The following GABRG1 variants were observed in gnomAD, a reference collection of about 807,000 sequenced individuals.
The protein encoded by GABRG1 is gamma-aminobutyric acid receptor subunit gamma-1.
Under a neutral mutation model 49.8 loss-of-function variants are expected in GABRG1, and 49 were observed. That is an observed-to-expected ratio of 0.98 (90% CI 0.78 to 1.25). The LOEUF is 1.25. GABRG1 is among the 50% of genes most tolerant of loss of function. GABRG1 has a pLI of 0.00. For missense variants in GABRG1, 552 were observed against 552.3 expected (o/e 1.00, Z 0.01); for synonymous variants, 232 against 185.1 (o/e 1.25, Z -2.06).
At chr4:46,084,513 A>G (rs1052741324) in intron 2 of GABRG1, among the ~76,000 whole-genome samples, 2 of 151,614 alleles carry the variant, frequency 1.3e-5, no homozygotes, top group East Asian at 1.9e-4. Flanking sequence ...GCATTTTTCA[A>G]TCTGACAGAG....
chr4:46,123,058 G>T (rs1721136274), intron 1 of GABRG1, among the ~76,000 whole-genome samples: 1 of 148,634 alleles, frequency 6.7e-6, no homozygotes, highest in Admixed American at 6.7e-5. Flanking sequence ...TTTGTGATCG[G>T]TGACACTTTT....
At chr4:46,079,912 T>C (rs1307873779) in intron 3 of GABRG1, among the ~76,000 whole-genome samples, 2 of 151,894 alleles carry the variant, frequency 1.3e-5, no homozygotes, top group Non-Finnish European at 2.9e-5. Flanking sequence ...TAGTAACATG[T>C]TCTTGACTTC....
At chr4:46,064,138 A>T (rs79523067) in intron 5 of GABRG1, among the ~76,000 whole-genome samples, 2,693 of 152,206 alleles carry the variant, frequency 0.018, 91 homozygotes, top group African/African-American at 0.06. Context: ...CTGTGTAAAA[A>T]CATTTGAATA....
At chr4:46,084,986 C>T (rs555318111) in intron 2 of GABRG1, among the ~76,000 whole-genome samples, 76 of 151,436 alleles carry the variant, frequency 5.0e-4, no homozygotes, top group African/African-American at 1.6e-3. Flanking sequence ...CAATTAACAA[C>T]GAGACAATAG....
rs552007418 is a variant in GABRG1, at chr4:46,046,852, C to G, written c.1131+4572G>C. Among the ~76,000 whole-genome samples, 123 of 152,196 alleles carry G rather than the reference C, an allele frequency of 8.1e-4. 2 individuals are homozygous for G. In the South Asian group the frequency reaches 0.025, roughly 31 times the overall value. The stretch of plus-strand genomic sequence containing the variant: ...ACTATTTCTAATTATCTTCTGAAAA[C>G]ATACATAGAAATATACCATCCTGCT... On this transcript the variant is annotated intron_variant, in intron 8 of 8. Coordinates refer to ENST00000295452, the MANE Select transcript of GABRG1 (RefSeq NM_173536.4).
intron 1 of GABRG1, among the ~76,000 whole-genome samples, chr4:46,113,272 A>T (rs1163733499): frequency 6.6e-6 from 1 of 151,136 alleles, no homozygotes; most frequent in Non-Finnish European, 1.5e-5. Context: ...GCTTCAGTAA[A>T]CTTACAATCA....
At chr4:46,097,743 A>G (rs907705482) in intron 1 of GABRG1, among the ~76,000 whole-genome samples, 2 of 151,688 alleles carry the variant, frequency 1.3e-5, no homozygotes, top group African/African-American at 2.4e-5. Context: ...GTAAAGAATT[A>G]CAGGAAAAGA....
chr4:46,062,767 C>T (rs1718751223), intron 5 of GABRG1, among the ~76,000 whole-genome samples: 1 of 152,028 alleles, frequency 6.6e-6, no homozygotes, highest in South Asian at 2.1e-4. Context: ...ATCTAGAAAA[C>T]CCCATTGTCT....
At chr4:46,096,068 T>G (rs765320055) in intron 2 of GABRG1, among the ~76,000 whole-genome samples, 11 of 151,852 alleles carry the variant, frequency 7.2e-5, no homozygotes, top group Non-Finnish European at 1.5e-4. Flanking sequence ...TGGTATTTGG[T>G]TTTGTGTTCT....
intron 3 of GABRG1, among the ~76,000 whole-genome samples, chr4:46,081,228 T>G (rs2109420955): frequency 6.6e-6 from 1 of 151,932 alleles, no homozygotes; most frequent in Non-Finnish European, 1.5e-5. Flanking sequence ...CTCACAGAGG[T>G]TTAGCAAATT....
chr4:46,120,834 T>C (rs73812806), intron 1 of GABRG1, among the ~76,000 whole-genome samples: 4,430 of 151,932 alleles, frequency 0.029, 217 homozygotes, highest in African/African-American at 0.1. Context: ...CTGGAGCTCT[T>C]TCAATGTATA....
chr4:46,123,731 A>T (rs964433416), intron 1 of GABRG1, 79 bp downstream of exon 1: 1 of 966,082 alleles, frequency 1.0e-6, no homozygotes, highest in African/African-American at 1.6e-5. Flanking sequence ...CTTAAAGTGG[A>T]ATAATTTTTA....
chr4:46,123,186 T>G (rs902484045), intron 1 of GABRG1, among the ~76,000 whole-genome samples: 2 of 145,816 alleles, frequency 1.4e-5, no homozygotes. Flanking sequence ...TAATTACTGA[T>G]GGACAGCCAA....
chr4:46,049,094 A>G (rs1718115420), intron 8 of GABRG1, among the ~76,000 whole-genome samples: 1 of 151,910 alleles, frequency 6.6e-6, no homozygotes, highest in Admixed American at 6.6e-5. Context: ...ATTTTAATAA[A>G]GAAATGGGGA....
At chr4:46,087,664 A>C (rs1719829921) in intron 2 of GABRG1, among the ~76,000 whole-genome samples, 1 of 151,908 alleles carries the variant, frequency 6.6e-6, no homozygotes, top group Non-Finnish European at 1.5e-5. Context: ...TGTCCCAAGA[A>C]GGAAAACTCC....
At chr4:46,086,404 TA>T (rs544119523) in intron 2 of GABRG1, among the ~76,000 whole-genome samples, 1 of 151,662 alleles carries the variant, frequency 6.6e-6, no homozygotes, top group Non-Finnish European at 1.5e-5. Context: ...CAATAGATTT[TA>T]AAAATCTTTT....
intron 7 of GABRG1, among the ~76,000 whole-genome samples, chr4:46,052,675 G>C (rs1197945937): frequency 6.6e-6 from 1 of 151,866 alleles, no homozygotes; most frequent in Non-Finnish European, 1.5e-5. Flanking sequence ...CGTTTTCCCA[G>C]TAAATATGGC....
At chr4:46,107,042 T>C (rs1577667972) in intron 1 of GABRG1, among the ~76,000 whole-genome samples, 2 of 151,370 alleles carry the variant, frequency 1.3e-5, no homozygotes, top group African/African-American at 4.8e-5. Flanking sequence ...CTGAAGCATT[T>C]ATCCTTTGAG....
intron 5 of GABRG1, among the ~76,000 whole-genome samples, chr4:46,064,024 A>AT (rs1718814097): frequency 6.6e-6 from 1 of 152,126 alleles, no homozygotes; most frequent in Non-Finnish European, 1.5e-5. Context: ...GGTAAATACT[A>AT]TTTGCCTAAC....
Sources: gnomAD v4.1 joint callset for allele counts (sites outside exome capture counted in the v4.1 genomes callset) on GRCh38, gnomAD v4.1.1 for gene constraint, MANE v1.5 for transcripts, NCBI Gene and HGNC (gene_info 2026-07-23, HGNC 2026-07-21) for gene names.